Variants in TIAM2 observed in about 807,000 individuals in gnomAD.
TIAM2 encodes rho guanine nucleotide exchange factor TIAM2.
In TIAM2, 80 loss-of-function variants were observed where a neutral mutation model predicts 152.9. The observed-to-expected ratio is 0.52, with a 90% CI of 0.44 to 0.63. The LOEUF (loss-of-function observed/expected upper bound fraction) is 0.63, where lower values mean the gene tolerates loss of function less well. Ranked by LOEUF, TIAM2 falls within the 30% of genes least tolerant of loss-of-function variation. The pLI is 0.00. For synonymous variants in TIAM2, 804 were observed against 838.0 expected (o/e 0.96, Z 0.70); for missense variants, 1,965 against 2,120.1 (o/e 0.93, Z 1.44).
chr6:155,183,318 T>G lies in TIAM2; in HGVS notation c.2882T>G (p.Phe961Cys). The G allele has an allele frequency of 6.2e-7, 1 of 1,614,196 alleles. No individual in the cohort carries two copies. The highest frequency in any genetic ancestry group is 8.5e-7 in the Non-Finnish European group (1 of 1,180,044). The change falls in exon 14 of 27, where the codon TTT (phenylalanine) becomes TGT (cysteine). Residue 961 changes from phenylalanine (F) to cysteine (C), a missense_variant. By Grantham distance (205) the Phe-to-Cys change is radical. Transcript: ENST00000682666. The stretch of plus-strand genomic sequence containing the variant: ...GACCTTAAGCAGATGGAGGCCCTGT[T>G]TTCTGAGAAGAGCGTCGGACTCACT... ...DLDLKQMEALFSEKSVGLTLI... is the reference protein window; with the variant it reads ...DLDLKQMEALCSEKSVGLTLI...
intron 2 of TIAM2, among the ~76,000 whole-genome samples, chr6:155,099,298 TA>T (rs1389670096): frequency 6.6e-6 from 1 of 151,740 alleles, no homozygotes; most frequent in Non-Finnish European, 1.5e-5. Context: ...TTGACTGCAT[TA>T]AAATTTATTT....
At position 155,046,580 on chromosome 6, in the gene TIAM2, C is replaced by T. The variant is rs186214098; in HGVS notation, c.-208-43709C>T. Among the ~76,000 whole-genome samples the T allele has an allele frequency of 7.6e-4, 115 of 152,282 alleles. 1 individual carries two copies. Among genetic ancestry groups the T allele is most frequent in the Non-Finnish European group, 8.5e-4 (58 of 68,020 alleles). ...GAACTCCTGACCTCAGGTGATCCAT[C>T]CACCTCGGCCTCCCAAAGTGCTGGG... On this transcript the variant is annotated intron_variant, in intron 1 of 26. Transcript: ENST00000682666.
rs890896540 is a variant in TIAM2 at position 155,091,358 on chromosome 6, C to T, written c.-118+979C>T. On this transcript the variant is annotated intron_variant, in intron 2 of 26. Transcript: ENST00000682666. ...GGCAGGAACCTTCTCTGCCTGGTTC[C>T]TCACCTGTCTCCAGAGCCCACAACA... Among the ~76,000 whole-genome samples the T allele has an allele frequency of 2.0e-5, 3 of 152,178 alleles. No individual in the cohort carries two copies. The East Asian group carries it at 5.8e-4, about 29-fold the overall frequency.
intron 1 of TIAM2, among the ~76,000 whole-genome samples, chr6:155,071,895 CAAAAA>C (rs374621162): frequency 0.029 from 3,158 of 108,880 alleles, 118 homozygotes; most frequent in African/African-American, 0.09. Context: ...AACTCTGTGT[CAAAAA>C]AAAAAAAAAA....
In TIAM2 at chr6:155,029,366, A is replaced by G. The variant is rs1239728603; in HGVS notation, c.-209+33874A>G. 2.7e-5 allele frequency among the ~76,000 whole-genome samples: 3 copies of G among 112,702 alleles called. 1 individual carries two copies. Among genetic ancestry groups the G allele is most frequent in the Non-Finnish European group, 3.4e-5 (2 of 58,064 alleles). 73.9% of individuals were successfully genotyped at this position (112,702 alleles called of 152,430 possible). A position where few individuals can be genotyped will look rare whatever the true frequency, so the allele number is the denominator to read the frequency against. On this transcript the variant is annotated intron_variant, in intron 1 of 26. Transcript: ENST00000682666. ...ATAATATATATACGTTATATATAAT[A>G]TATACTATATATACTATGTTATATA...
intron 1 of TIAM2, among the ~76,000 whole-genome samples, chr6:155,002,003 A>G (rs572231647): frequency 6.6e-6 from 1 of 152,338 alleles, no homozygotes; most frequent in South Asian, 2.1e-4. Flanking sequence ...AAAAAATTAT[A>G]TTGTTGTTGT....
chr6:155,020,579 A>G (rs1406065481), intron 1 of TIAM2, among the ~76,000 whole-genome samples: 1 of 152,114 alleles, frequency 6.6e-6, no homozygotes, highest in Admixed American at 6.6e-5. Context: ...CTCCTGCCTC[A>G]GTCTCTTGAG....
chr6:155,235,410 G>A (rs1782703190), intron 15 of TIAM2, among the ~76,000 whole-genome samples: 2 of 152,178 alleles, frequency 1.3e-5, no homozygotes, highest in East Asian at 1.9e-4. Flanking sequence ...TCTCATCTGT[G>A]CTTTTCAGGC....
intron 1 of TIAM2, among the ~76,000 whole-genome samples, chr6:155,081,484 A>G (rs1778060209): frequency 6.6e-6 from 1 of 152,018 alleles, no homozygotes; most frequent in Non-Finnish European, 1.5e-5. Context: ...GGAATGAGGT[A>G]AAGTTACCGT....
intron 1 of TIAM2, among the ~76,000 whole-genome samples, chr6:155,055,018 C>G (rs895460241): frequency 4.6e-5 from 7 of 152,116 alleles, no homozygotes; most frequent in African/African-American, 1.7e-4. Flanking sequence ...CGTGCTGTGG[C>G]TGCAGGAAGC....
At chr6:154,996,039 G>A (rs923971262) in intron 1 of TIAM2, among the ~76,000 whole-genome samples, 3 of 152,154 alleles carry the variant, frequency 2.0e-5, no homozygotes, top group African/African-American at 7.2e-5. Flanking sequence ...CTTTCCGAGC[G>A]CGGGAGCCAT....
Position 155,249,915 on chromosome 6 carries a change from T to G in TIAM2, c.3897T>G (p.Asp1299Glu). ...HINEMQKIYE[D>E]YGTVFDQLVA... The stretch of plus-strand genomic sequence containing the variant: ...ATGAGATGCAGAAGATCTATGAGGA[T>G]TATGGGACCGTGTTTGACCAGCTAG... Residue 1299 changes from aspartate (D) to glutamate (E), a missense_variant, in exon 21 of 27, where the codon GAT becomes GAG. Asp to Glu is a conservative substitution (Grantham distance 45). Around this residue, in one of 3 missense-constraint regions of TIAM2, gnomAD observed 935 missense variants for 980.0 expected, o/e 0.95. Coordinates refer to ENST00000682666, the MANE Select transcript of TIAM2 (RefSeq NM_012454.4). The G allele has an allele frequency of 6.2e-7, 1 of 1,614,032 alleles. No homozygotes were observed. The highest frequency in any genetic ancestry group is 1.1e-5 in the South Asian group (1 of 91,068).
intron 2 of TIAM2, among the ~76,000 whole-genome samples, chr6:155,101,775 A>G (rs763028408): frequency 1.5e-3 from 225 of 151,416 alleles, no homozygotes; most frequent in Non-Finnish European, 2.7e-3. Flanking sequence ...CAGTGGTGCA[A>G]TCTCGGCTCA....
At chr6:155,236,981 G>A (rs1782795405) in intron 15 of TIAM2, among the ~76,000 whole-genome samples, 1 of 152,102 alleles carries the variant, frequency 6.6e-6, no homozygotes, top group Admixed American at 6.5e-5. Flanking sequence ...CTTCCCAACA[G>A]TCCCCCAAAG....
intron 14 of TIAM2, among the ~76,000 whole-genome samples, chr6:155,188,013 A>G (rs1219360633): frequency 1.3e-5 from 2 of 152,182 alleles, no homozygotes; most frequent in East Asian, 3.9e-4. Flanking sequence ...AGTCTACAAG[A>G]GGTGGCCTGA....
intron 2 of TIAM2, among the ~76,000 whole-genome samples, chr6:155,116,670 G>T (rs1192046942): frequency 6.6e-6 from 1 of 152,140 alleles, no homozygotes; most frequent in African/African-American, 2.4e-5. Context: ...ATCCATGCAG[G>T]TTTCCATAGT....
chr6:155,171,221 A>C (rs1780579666), intron 9 of TIAM2, among the ~76,000 whole-genome samples: 1 of 152,202 alleles, frequency 6.6e-6, no homozygotes, highest in Admixed American at 6.5e-5. Context: ...CCTAATTCAA[A>C]ATCTGTTAAG....
intron 5 of TIAM2, among the ~76,000 whole-genome samples, chr6:155,141,625 C>G (rs1201236480): frequency 6.6e-6 from 1 of 152,128 alleles, no homozygotes; most frequent in Non-Finnish European, 1.5e-5. Flanking sequence ...TTTGTCTTTT[C>G]CAGTGAGTGG....
intron 15 of TIAM2, among the ~76,000 whole-genome samples, chr6:155,219,597 A>G (rs1394237252): frequency 6.6e-6 from 1 of 151,822 alleles, no homozygotes; most frequent in African/African-American, 2.4e-5. Context: ...AGGCCATTTG[A>G]TCTCTTTGTA....
Sources: gnomAD v4.1 joint callset for allele counts (sites outside exome capture counted in the v4.1 genomes callset) on GRCh38, gnomAD v4.1.1 for gene constraint, gnomAD v4.1.1 regional missense constraint, MANE v1.5 for transcripts, NCBI Gene and HGNC (gene_info 2026-07-23, HGNC 2026-07-21) for gene names.